DMD: variants seen among roughly 807,000 people sequenced by gnomAD.
The protein encoded by DMD is dystrophin.
A neutral mutation model predicts 330.1 loss-of-function variants in DMD; 63 were observed. The observed-to-expected ratio is 0.19, with a 90% CI of 0.16 to 0.24. The LOEUF (loss-of-function observed/expected upper bound fraction) is 0.24, where lower values mean the gene tolerates loss of function less well. Ranked by LOEUF, DMD falls within the 10% of genes least tolerant of loss-of-function variation. The pLI, the probability that DMD is intolerant of heterozygous loss-of-function variation, is 1.00. For missense variants in DMD, 3,344 were observed against 2,684.1 expected, an observed-to-expected ratio of 1.25 and a Z score of -5.43; for synonymous variants, 1,223 against 959.8, an observed-to-expected ratio of 1.27 and a Z score of -5.07.
chrX:32,022,271 T>C (rs2095811509), intron 44 of DMD, among the ~76,000 whole-genome samples: 1 of 111,987 alleles, frequency 8.9e-6, no homozygotes, highest in African/African-American at 3.2e-5. Context: ...ATAGCCTACG[T>C]GGACAAGTAT....
intron 41 of DMD, among the ~76,000 whole-genome samples, chrX:32,327,153 T>C (rs1461433381): frequency 9.6e-6 from 1 of 103,746 alleles, no homozygotes; most frequent in Non-Finnish European, 2.0e-5. Context: ...TTCAGTCATT[T>C]ATTCCTTCTG....
chrX:31,323,496 T>C (rs2056565690), intron 62 of DMD, 102 bp downstream of exon 62: 1 of 700,443 alleles, frequency 1.4e-6, no homozygotes, highest in East Asian at 3.5e-5. Flanking sequence ...ACACAGGTAT[T>C]GTAGGCCAGG....
intron 44 of DMD, among the ~76,000 whole-genome samples, chrX:31,971,844 C>T (rs1195176150): frequency 8.9e-6 from 1 of 111,838 alleles, no homozygotes; most frequent in Non-Finnish European, 1.9e-5. Context: ...TATTAATGTA[C>T]TGCTGTCATA....
intron 43 of DMD, among the ~76,000 whole-genome samples, chrX:32,233,469 T>C: frequency 9.0e-6 from 1 of 111,069 alleles, no homozygotes; most frequent in Admixed American, 9.6e-5. Flanking sequence ...AGAAGTAGTT[T>C]ATTGCAAAAG....
At chrX:32,401,629 T>C (rs1029988289) in intron 30 of DMD, among the ~76,000 whole-genome samples, 2 of 111,472 alleles carry the variant, frequency 1.8e-5, no homozygotes, top group African/African-American at 6.5e-5. Flanking sequence ...TTAGAAATAA[T>C]GAGCAAGACC....
At chrX:32,777,793 G>A (rs998965117) in intron 7 of DMD, among the ~76,000 whole-genome samples, 5 of 112,444 alleles carry the variant, frequency 4.4e-5, no homozygotes, top group Non-Finnish European at 3.8e-5. Context: ...GCTATCTTAA[G>A]GATGGCAACA....
In DMD at chrX:32,816,589, C is replaced by T; in HGVS notation, c.409G>A (p.Glu137Lys). ...IMAGLQQTNS[E>K]KILLSWVRQS... is the part of the protein sequence containing the mutation. ...CGGACCCAGCTCAGGAGAATCTTTT[C>T]ACTGTTGGTTTGTTGCAATCCAGCC... Residue 137 changes from glutamate (E) to lysine (K), a missense_variant, in exon 6 of 79, where the codon GAA (glutamate) becomes AAA (lysine). Coordinates refer to ENST00000357033, the MANE Select transcript of DMD (RefSeq NM_004006.3). 8.3e-7 allele frequency: 1 copy of T among 1,211,540 alleles called. No homozygotes were observed. Among genetic ancestry groups the T allele is most frequent in the Non-Finnish European group, 1.1e-6 (1 of 895,317 alleles).
chrX:32,453,804 G>T lies in DMD; in HGVS notation c.3603+858C>A, dbSNP rs762415889. Among the ~76,000 whole-genome samples the T allele has an allele frequency of 9.9e-5, 11 of 110,790 alleles. No homozygotes were observed. In the East Asian group the frequency reaches 3.1e-3, roughly 31 times the overall value. On this transcript the variant is annotated intron_variant, in intron 26 of 78. Coordinates refer to ENST00000357033, the MANE Select transcript of DMD (RefSeq NM_004006.3). ...AAACTCAAGTATCTGGCTCCACATT[G>T]ATTTTTCCTTGTCACAATCCTTGAA...
At chrX:32,420,603 T>A (rs1017663912) in intron 29 of DMD, among the ~76,000 whole-genome samples, 2 of 111,516 alleles carry the variant, frequency 1.8e-5, no homozygotes. Context: ...TGATATCCAG[T>A]CAGTACAGTA....
intron 44 of DMD, among the ~76,000 whole-genome samples, chrX:32,155,889 C>T (rs58112691): frequency 2.7e-5 from 3 of 110,106 alleles, no homozygotes. Context: ...TATTTACACA[C>T]TGTAATGAAA....
intron 1 of DMD, among the ~76,000 whole-genome samples, chrX:33,308,797 C>T (rs766411468): frequency 2.7e-5 from 3 of 111,845 alleles, no homozygotes; most frequent in South Asian, 3.7e-4. Flanking sequence ...TTTTTAGATA[C>T]TGCAAGACTA....
chrX:32,525,561 G>A (rs2046862800), intron 17 of DMD, among the ~76,000 whole-genome samples: 1 of 111,548 alleles, frequency 9.0e-6, no homozygotes, highest in Admixed American at 9.6e-5. Context: ...AGAAGCAATT[G>A]CACGTTTATT....
chrX:31,743,543 C>A (rs941096583), intron 51 of DMD, among the ~76,000 whole-genome samples: 4 of 112,143 alleles, frequency 3.6e-5, no homozygotes, highest in South Asian at 7.4e-4. Flanking sequence ...ATGTCCTTTG[C>A]AGCAACATGG....
At chrX:31,546,920 G>A (rs944080931) in intron 55 of DMD, among the ~76,000 whole-genome samples, 4 of 112,304 alleles carry the variant, frequency 3.6e-5, no homozygotes, top group Non-Finnish European at 7.5e-5. Context: ...ATGAATGAAC[G>A]GCTATTGAAA....
chrX:33,328,052 A>G lies in DMD; in HGVS notation c.7+11207T>C, dbSNP rs1425323910. Reference sequence around the variant, plus strand: ...TGTTCTTCATCCACTATAGAAAATGAAAACTTTTTGAATTAGAACCAAATT... The same window carrying G: ...TGTTCTTCATCCACTATAGAAAATGGAAACTTTTTGAATTAGAACCAAATT... On this transcript the variant is annotated intron_variant, in intron 1 of 17. Coordinates refer to the DMD transcript ENST00000288447. Among the ~76,000 whole-genome samples, 3 of 112,271 alleles carry G rather than the reference A, an allele frequency of 2.7e-5. No homozygotes were observed. In the Admixed American group the frequency reaches 2.8e-4, roughly 11 times the overall value.
At chrX:32,014,466 T>C (rs2095743645) in intron 44 of DMD, among the ~76,000 whole-genome samples, 1 of 111,540 alleles carries the variant, frequency 9.0e-6, no homozygotes. Flanking sequence ...GAGACAAATA[T>C]GAGCCTTCGG....
chrX:32,962,811 A>C (rs1171117189), intron 2 of DMD, among the ~76,000 whole-genome samples: 1 of 112,043 alleles, frequency 8.9e-6, no homozygotes, highest in Non-Finnish European at 1.9e-5. Flanking sequence ...CATCAGTTTC[A>C]CTATGCTTTT....
intron 62 of DMD, among the ~76,000 whole-genome samples, chrX:31,310,208 T>TCC (rs1197137037): frequency 1.4e-4 from 5 of 35,848 alleles, no homozygotes; most frequent in African/African-American, 1.2e-3. Context: ...TCTCTCTCCA[T>TCC]ATATATATAT....
intron 44 of DMD, among the ~76,000 whole-genome samples, chrX:32,109,144 T>A (rs1398931018): frequency 1.8e-5 from 2 of 111,965 alleles, no homozygotes; most frequent in African/African-American, 6.5e-5. Flanking sequence ...AGCTAAAATT[T>A]CATGTTATTT....
Sources: gnomAD v4.1 joint callset for allele counts (sites outside exome capture counted in the v4.1 genomes callset) on GRCh38, gnomAD v4.1.1 for gene constraint, MANE v1.5 for transcripts, NCBI Gene and HGNC (gene_info 2026-07-23, HGNC 2026-07-21) for gene names.